Variants in QTMAN observed in about 807,000 individuals in gnomAD.
QTMAN encodes queuosine-tRNA mannosyltransferase, also known as tRNA-queuosine alpha-mannosyltransferase.
chr2:144,259,012 A>C, the QTMAN span, among the ~76,000 whole-genome samples: 1 of 152,226 alleles, frequency 6.6e-6, no homozygotes, highest in Admixed American at 6.5e-5. Flanking sequence ...TTGTTCCTAC[A>C]GCCACAGGTA....
the QTMAN span, among the ~76,000 whole-genome samples, chr2:144,075,819 T>C: frequency 1.3e-5 from 2 of 152,228 alleles, no homozygotes; most frequent in African/African-American, 2.4e-5. Context: ...CAAATGTCCA[T>C]AGGTAGCAGT....
the QTMAN span, among the ~76,000 whole-genome samples, chr2:144,232,100 T>TA: frequency 6.6e-6 from 1 of 152,024 alleles, no homozygotes; most frequent in Non-Finnish European, 1.5e-5. Flanking sequence ...TAGCTCTGCA[T>TA]AAAAAAAGCC....
chr2:144,296,791 C>T, the QTMAN span, among the ~76,000 whole-genome samples: 2 of 152,158 alleles, frequency 1.3e-5, no homozygotes, highest in African/African-American at 2.4e-5. Flanking sequence ...TACACTTTCA[C>T]CCAGGTCATC....
At chr2:144,165,390 TATAAATAA>T in the QTMAN span, among the ~76,000 whole-genome samples, 4,571 of 151,242 alleles carry the variant, frequency 0.03, 186 homozygotes, top group East Asian at 0.18. Context: ...AATAAATAAA[TATAAATAA>T]ATAAATAAAT....
the QTMAN span, chr2:143,952,779 A>G: frequency 1.7e-5 from 27 of 1,593,394 alleles, no homozygotes; most frequent in African/African-American, 3.2e-4. Flanking sequence ...CTACCTGGAA[A>G]TATTTCGGGA....
chr2:144,177,173 G>A, the QTMAN span: 36 of 701,760 alleles, frequency 5.1e-5, no homozygotes, highest in African/African-American at 6.0e-4. Flanking sequence ...TGAGATTTGG[G>A]CAAGGCATAA....
the QTMAN span, among the ~76,000 whole-genome samples, chr2:144,059,663 A>G: frequency 6.6e-6 from 1 of 152,172 alleles, no homozygotes; most frequent in South Asian, 2.1e-4. Flanking sequence ...ATGGCTTCCT[A>G]TTGAACTCAG....
At chr2:144,058,838 T>A in the QTMAN span, among the ~76,000 whole-genome samples, 1 of 152,146 alleles carries the variant, frequency 6.6e-6, no homozygotes, top group African/African-American at 2.4e-5. Flanking sequence ...CCCCATCTAA[T>A]CAACCCCCAA....
the QTMAN span, among the ~76,000 whole-genome samples, chr2:143,999,956 C>T: frequency 6.6e-6 from 1 of 151,972 alleles, no homozygotes; most frequent in African/African-American, 2.4e-5. Context: ...TTTATGCTGA[C>T]ATGGTGTGTT....
the QTMAN span, among the ~76,000 whole-genome samples, chr2:144,177,998 C>T: frequency 8.3e-4 from 127 of 152,256 alleles, no homozygotes; most frequent in Middle Eastern, 0.037. Flanking sequence ...TAACCCCATA[C>T]TAATCAGCAC....
At chr2:144,310,510 T>A in the QTMAN span, among the ~76,000 whole-genome samples, 1 of 152,360 alleles carries the variant, frequency 6.6e-6, no homozygotes, top group East Asian at 1.9e-4. Context: ...ACCAGACTGA[T>A]GTGCTGGGTT....
At chr2:144,096,571 G>A in the QTMAN span, among the ~76,000 whole-genome samples, 2 of 152,228 alleles carry the variant, frequency 1.3e-5, no homozygotes, top group African/African-American at 2.4e-5. Context: ...GTACAGGCTA[G>A]TAGATTAATA....
chr2:144,092,523 T>C, the QTMAN span, among the ~76,000 whole-genome samples: 1 of 152,166 alleles, frequency 6.6e-6, no homozygotes, highest in Non-Finnish European at 1.5e-5. Context: ...TTTACCTCAA[T>C]AAAGCTGTTA....
chr2:143,990,105 T>C, the QTMAN span, among the ~76,000 whole-genome samples: 1 of 151,746 alleles, frequency 6.6e-6, no homozygotes, highest in African/African-American at 2.4e-5. Context: ...CACTGTCCTA[T>C]AAAGTCTTAT....
chr2:143,997,380 T>C, the QTMAN span, among the ~76,000 whole-genome samples: 1 of 152,134 alleles, frequency 6.6e-6, no homozygotes, highest in Admixed American at 6.5e-5. Context: ...AAATAGAATG[T>C]TTACAAATCA....
the QTMAN span, among the ~76,000 whole-genome samples, chr2:144,138,302 T>G: frequency 2.0e-5 from 3 of 152,024 alleles, no homozygotes; most frequent in Non-Finnish European, 4.4e-5. Flanking sequence ...TGGAATAGTT[T>G]TAACTCAGAA....
At chr2:143,952,594 C>T in the QTMAN span, among the ~76,000 whole-genome samples, 2 of 151,616 alleles carry the variant, frequency 1.3e-5, no homozygotes, top group Admixed American at 6.6e-5. Context: ...CTTAAAAGAA[C>T]AGATGGTAAA....
the QTMAN span, among the ~76,000 whole-genome samples, chr2:144,002,948 T>C: frequency 6.6e-6 from 1 of 151,980 alleles, no homozygotes; most frequent in Non-Finnish European, 1.5e-5. Flanking sequence ...ACTTAAGCAG[T>C]TATAAGAATC....
chr2:144,268,579 T>C, the QTMAN span, among the ~76,000 whole-genome samples: 1 of 152,190 alleles, frequency 6.6e-6, no homozygotes, highest in African/African-American at 2.4e-5. Context: ...TGATCTTGGA[T>C]TTCCCAGTCT....
Sources: gnomAD v4.1 joint callset for allele counts (sites outside exome capture counted in the v4.1 genomes callset) on GRCh38, gnomAD v4.1.1 for gene constraint, MANE v1.5 for transcripts, NCBI Gene and HGNC (gene_info 2026-07-23, HGNC 2026-07-21) for gene names.